Variants in HEG1 observed in about 807,000 individuals in gnomAD.
HEG1 encodes the protein heart development protein with EGF like domains 1, also known as protein HEG homolog 1.
Under a neutral mutation model 125.6 loss-of-function variants are expected in HEG1, and 56 were observed. The ratio of observed to expected loss-of-function variants is 0.45; its 90% CI spans 0.36 to 0.56. HEG1 has a LOEUF of 0.56. Among genes scored for constraint, HEG1 ranks in the 20% least tolerant of loss-of-function variants. HEG1 has a pLI of 0.00. For synonymous variants in HEG1, 644 were observed against 668.5 expected, an observed-to-expected ratio of 0.96 and a Z score of 0.57; for missense variants, 1,523 against 1,670.0, an observed-to-expected ratio of 0.91 and a Z score of 1.53.
At chr3:125,015,156 G>A (rs1579419333) in intron 5 of HEG1, 1 of 430,468 alleles carries the variant, frequency 2.3e-6, no homozygotes, top group African/African-American at 2.1e-5. Flanking sequence ...TGTTGCCCTT[G>A]CAAACATGGC....
chr3:125,006,244 T>C (rs979162872), intron 8 of HEG1, among the ~76,000 whole-genome samples: 4 of 152,008 alleles, frequency 2.6e-5, no homozygotes, highest in Non-Finnish European at 1.5e-5. Flanking sequence ...GGTTCGGAAA[T>C]GAAAAAAAGC....
chr3:125,025,883 A>C lies in HEG1; in HGVS notation c.913+1322T>G, dbSNP rs1427398589. ...TGAATTATATCCAAATCCAGTCAGCAGGAAACTGTATACAGGGTATGTGGA... is the reference window on the plus strand; with the variant it reads ...TGAATTATATCCAAATCCAGTCAGCCGGAAACTGTATACAGGGTATGTGGA... On this transcript the variant is annotated intron_variant, in intron 3 of 16. Coordinates refer to ENST00000311127, the MANE Select transcript of HEG1 (RefSeq NM_020733.2). Among the ~76,000 whole-genome samples the C allele has an allele frequency of 4.6e-5, 7 of 152,362 alleles. No homozygotes were observed. The East Asian group carries it at 1.3e-3, about 29-fold the overall frequency.
intron 1 of HEG1, among the ~76,000 whole-genome samples, chr3:125,052,136 G>T: frequency 1.4e-5 from 1 of 72,678 alleles, no homozygotes; most frequent in Non-Finnish European, 2.9e-5. Flanking sequence ...GCCCCCTCCC[G>T]CCTCCCCCCC....
chr3:125,007,971 A>G (rs2107698671), intron 8 of HEG1, among the ~76,000 whole-genome samples: 1 of 151,894 alleles, frequency 6.6e-6, no homozygotes, highest in South Asian at 2.1e-4. Context: ...ATGTAGTGAT[A>G]CAATCTCGAC....
intron 1 of HEG1, among the ~76,000 whole-genome samples, chr3:125,042,445 T>G (rs1468817619): frequency 6.6e-6 from 1 of 151,470 alleles, no homozygotes; most frequent in African/African-American, 2.4e-5. Context: ...AATAAAAAAA[T>G]AAAAAAGTAT....
Position 124,973,856 on chromosome 3 carries a change from G to A in HEG1, c.3871C>T (p.Gln1291Ter). The part of the protein sequence containing the change: ...SKLIFKSGDF[Q>*]MSPYAEYPKN... ...GGGTATTCAGCATACGGGGACATTTGGAAATCTCCACTTTTGAAGATGAGT... is the reference window on the plus strand; with the variant it reads ...GGGTATTCAGCATACGGGGACATTTAGAAATCTCCACTTTTGAAGATGAGT... The change falls in exon 16 of 17, where the codon CAA (glutamine) becomes TAA (stop). Residue 1291 changes from glutamine to a stop codon, truncating the protein, a stop_gained. Transcript: ENST00000311127. LOFTEE classifies it high-confidence loss of function. The A allele has an allele frequency of 6.2e-7, 1 of 1,612,730 alleles. No individual in the cohort carries two copies.
chr3:124,985,418 G>GA (rs1936721668), intron 14 of HEG1, among the ~76,000 whole-genome samples: 2 of 152,120 alleles, frequency 1.3e-5, no homozygotes, highest in African/African-American at 4.8e-5. Context: ...TTTAAAAATA[G>GA]AAAAAAGGCT....
intron 1 of HEG1, among the ~76,000 whole-genome samples, chr3:125,048,332 C>T (rs993955050): frequency 1.3e-5 from 2 of 152,244 alleles, no homozygotes; most frequent in Admixed American, 6.5e-5. Context: ...GCAGGACCCT[C>T]CACGGCACCT....
intron 5 of HEG1, among the ~76,000 whole-genome samples, chr3:125,018,710 G>A (rs1219787575): frequency 6.6e-6 from 1 of 152,086 alleles, no homozygotes; most frequent in African/African-American, 2.4e-5. Context: ...TGAGCTGTGT[G>A]TGGGAAGAGG....
rs1027193247 is a variant in HEG1, at chr3:125,006,780, G to A, written c.3194-1412C>T. On this transcript the variant is annotated intron_variant, in intron 8 of 16. Transcript: ENST00000311127. The stretch of plus-strand genomic sequence containing the variant: ...GAAAGATGATTGTGAAGGCGATAGT[G>A]CTGCTCTCCTCCTGAGCTGTGCTAC... 1.3e-4 allele frequency among the ~76,000 whole-genome samples: 20 copies of A among 152,338 alleles called. No individual in the cohort carries two copies. The Middle Eastern group carries it at 0.01, about 78-fold the overall frequency.
Position 125,019,239 on chromosome 3 carries a change from T to C in HEG1, c.1588+23A>G, listed in dbSNP as rs1445080901. ...TCCCTCTCTCCTCTATGGGGCACAG[T>C]TGCATGAAATGGAAAAACTCACTCG... On this transcript the variant is annotated intron_variant, in intron 5 of 16. Coordinates refer to ENST00000311127, the MANE Select transcript of HEG1 (RefSeq NM_020733.2). 6.3e-6 allele frequency: 10 copies of C among 1,582,010 alleles called. No homozygotes were observed. The Middle Eastern group carries it at 5.0e-4, about 79-fold the overall frequency.
At chr3:125,018,203 G>A (rs1033669843) in intron 5 of HEG1, among the ~76,000 whole-genome samples, 6 of 152,184 alleles carry the variant, frequency 3.9e-5, no homozygotes, top group Non-Finnish European at 7.3e-5. Flanking sequence ...ATTAAGCCAC[G>A]AAAAGGAACG....
chr3:125,012,563 T>C (rs1937170844), intron 6 of HEG1, 60 bp downstream of exon 6: 1 of 1,485,004 alleles, frequency 6.7e-7, no homozygotes. Flanking sequence ...GAGCCCCATG[T>C]AGCTCTCAGT....
chr3:125,029,032 A>T (rs1937456905), intron 2 of HEG1, among the ~76,000 whole-genome samples, 163 bp downstream of exon 2: 1 of 152,230 alleles, frequency 6.6e-6, no homozygotes, highest in Non-Finnish European at 1.5e-5. Flanking sequence ...TGTATTGGCA[A>T]GCATAATACA....
chr3:124,990,706 G>A, intron 14 of HEG1, 81 bp downstream of exon 14: 1 of 1,324,484 alleles, frequency 7.6e-7, no homozygotes, highest in Non-Finnish European at 1.1e-6. Context: ...ACTGAGGGAA[G>A]TGGGAGGAGA....
chr3:124,987,924 T>TAC (rs67009322), intron 14 of HEG1, among the ~76,000 whole-genome samples: 3,279 of 67,660 alleles, frequency 0.048, 449 homozygotes, highest in Non-Finnish European at 0.075. Flanking sequence ...TATATATGTG[T>TAC]ACACACACAC....
Position 124,985,227 on chromosome 3 carries a change from T to C in HEG1, c.3733+5560A>G, listed in dbSNP as rs891032922. On this transcript the variant is annotated intron_variant, in intron 14 of 16. Transcript: ENST00000311127. ...ATAAGCTCCAAGGTGACATGGATCCTGCTGGCCTATGCCCCACACTTAGTA... is the reference window on the plus strand; with the variant it reads ...ATAAGCTCCAAGGTGACATGGATCCCGCTGGCCTATGCCCCACACTTAGTA... 2.0e-5 allele frequency among the ~76,000 whole-genome samples: 3 copies of C among 152,194 alleles called. No homozygotes were observed. In the South Asian group the frequency reaches 6.2e-4, roughly 32 times the overall value.
intron 14 of HEG1, among the ~76,000 whole-genome samples, chr3:124,980,811 G>A (rs773252935): frequency 7.9e-5 from 12 of 151,828 alleles, no homozygotes; most frequent in Admixed American, 1.3e-4. Flanking sequence ...GAGCCACAGC[G>A]CCTGGCCTGA....
chr3:124,995,099 G>A (rs1279552614), intron 12 of HEG1, among the ~76,000 whole-genome samples: 3 of 152,156 alleles, frequency 2.0e-5, no homozygotes, highest in Non-Finnish European at 2.9e-5. Context: ...AGGTGTTTGA[G>A]ACCAGACTCG....
Sources: gnomAD v4.1 joint callset for allele counts (sites outside exome capture counted in the v4.1 genomes callset) on GRCh38, gnomAD v4.1.1 for gene constraint, MANE v1.5 for transcripts, NCBI Gene and HGNC (gene_info 2026-07-23, HGNC 2026-07-21) for gene names.